The following JCAD variants were observed in gnomAD, a reference collection of about 807,000 sequenced individuals.
JCAD encodes the protein junctional cadherin 5 associated.
In JCAD, 40 loss-of-function variants were observed where a neutral mutation model predicts 98.0. The ratio of observed to expected loss-of-function variants is 0.41; its 90% confidence interval spans 0.32 to 0.53. The LOEUF is 0.53. Ranked by LOEUF, JCAD falls within the 20% of genes least tolerant of loss-of-function variation. The pLI is 0.31. For synonymous variants in JCAD, 691 were observed against 682.3 expected, an observed-to-expected ratio of 1.01 and a Z score of -0.20; for missense variants, 1,705 against 1,738.1, an observed-to-expected ratio of 0.98 and a Z score of 0.34.
intron 1 of JCAD, among the ~76,000 whole-genome samples, chr10:30,097,039 G>A (rs1838380418): frequency 6.6e-6 from 1 of 152,082 alleles, no homozygotes; most frequent in South Asian, 2.1e-4. Context: ...GTCAAATGAT[G>A]CTCAACAGCA....
intron 3 of JCAD, among the ~76,000 whole-genome samples, chr10:30,023,279 C>A (rs1451394286): frequency 6.6e-6 from 1 of 152,152 alleles, no homozygotes; most frequent in Non-Finnish European, 1.5e-5. Context: ...CTCAAGTGAT[C>A]CACCCACCTC....
In JCAD at chr10:30,059,473, G is replaced by T; in HGVS notation, c.-60+9C>A. On this transcript the variant is annotated intron_variant, in intron 1 of 3. Transcript: ENST00000375377. The surrounding 1 kb of genome is among the most constrained non-coding windows in gnomAD (Gnocchi z 5.0). ...GTGGGAGCCAGGAGGGTTAGACGCC[G>T]GGACTTACCGAGCGGCTCCCTCATG... is the stretch of plus-strand genomic sequence containing the variant. 1 of 151,748 alleles carries T rather than the reference G, an allele frequency of 6.6e-6. No homozygotes were observed. The highest frequency in any genetic ancestry group is 1.9e-4 in the South Asian group (1 of 5,212). The allele number at this position is 151,748 out of a possible 1,614,324, so 9.4% of individuals were successfully genotyped here.
At chr10:30,098,564 T>G (rs1838415215) in intron 1 of JCAD, among the ~76,000 whole-genome samples, 2 of 152,202 alleles carry the variant, frequency 1.3e-5, no homozygotes, top group Admixed American at 1.3e-4. Flanking sequence ...CCTGATTCAT[T>G]TGCTTTTGTG....
At chr10:30,033,542 A>T (rs1247683843) in intron 2 of JCAD, among the ~76,000 whole-genome samples, 1 of 152,204 alleles carries the variant, frequency 6.6e-6, no homozygotes, top group Non-Finnish European at 1.5e-5. Flanking sequence ...TAGTTATTAC[A>T]ACTATTTTTC....
At chr10:30,021,473 T>G (rs1162450326) in intron 3 of JCAD, among the ~76,000 whole-genome samples, 1 of 152,198 alleles carries the variant, frequency 6.6e-6, no homozygotes, top group South Asian at 2.1e-4. Context: ...ATTACAATCA[T>G]GAGCCGCCAT....
At chr10:30,062,077 A>G (rs985144209), upstream of JCAD, among the ~76,000 whole-genome samples, 1 of 152,222 alleles carries the variant, frequency 6.6e-6, no homozygotes, top group African/African-American at 2.4e-5. Flanking sequence ...GCAAAACAAC[A>G]GAGTAGGGTT....
chr10:30,068,799 C>T (rs1273188916), intron 2 of JCAD, among the ~76,000 whole-genome samples: 1 of 152,222 alleles, frequency 6.6e-6, no homozygotes, highest in African/African-American at 2.4e-5. Context: ...GGCTAGGTCC[C>T]AGACAACTAG....
At position 30,047,623 on chromosome 10, in the gene JCAD, C is replaced by T. The variant is rs1351153544; in HGVS notation, c.190G>A (p.Gly64Arg). Reference sequence around the variant, plus strand: ...CGGCTTTCGGAGTCACTCACATGTCCTTTCCCCGCGGACGTCTTACGATGT... The same window carrying T: ...CGGCTTTCGGAGTCACTCACATGTCTTTTCCCCGCGGACGTCTTACGATGT... Reference protein sequence around the residue: ...LAHRKTSAGKGHVSDSESRRS... With the variant: ...LAHRKTSAGKRHVSDSESRRS... The change falls in exon 2 of 4, where the codon GGA becomes AGA. Residue 64 changes from glycine to arginine, a missense_variant. Transcript: ENST00000375377. 18 of 1,614,090 alleles carry T rather than the reference C, an allele frequency of 1.1e-5. No homozygotes were observed. The highest frequency in any genetic ancestry group is 1.5e-5 in the Non-Finnish European group (18 of 1,180,042).
rs1051139488 is a variant in JCAD at position 30,027,462 on chromosome 10, T to A, written c.2686A>T (p.Met896Leu). 5 of 1,605,228 alleles carry A rather than the reference T, an allele frequency of 3.1e-6. No homozygotes were observed. The highest frequency in any genetic ancestry group is 4.2e-6 in the Non-Finnish European group (5 of 1,179,990). Residue 896 changes from methionine (M) to leucine (L), a missense_variant, in exon 3 of 4, where the codon ATG (methionine) becomes TTG (leucine). This residue lies in a region of JCAD where 1,278 missense variants were observed against 1,243.1 expected (regional missense o/e 1.03). Coordinates refer to ENST00000375377, the MANE Select transcript of JCAD (RefSeq NM_020848.4). ...PEMRVEPQPR[M>L]WVPESPVCRS... Reference sequence around the variant, plus strand: ...CACACAGGGCTCTCCGGCACCCACATCCTCGGCTGTGGCTCAACCCTCATT... The same window carrying A: ...CACACAGGGCTCTCCGGCACCCACAACCTCGGCTGTGGCTCAACCCTCATT...
intron 1 of JCAD, among the ~76,000 whole-genome samples, chr10:30,071,630 T>G (rs1040511689): frequency 2.6e-5 from 4 of 151,834 alleles, no homozygotes; most frequent in Non-Finnish European, 5.9e-5. Flanking sequence ...CATGGTGAAA[T>G]CCTGTCTCTA....
At chr10:30,018,666 G>T (rs1279978377) in intron 3 of JCAD, among the ~76,000 whole-genome samples, 3 of 152,118 alleles carry the variant, frequency 2.0e-5, no homozygotes, top group Middle Eastern at 6.3e-3. Context: ...CTGCTGCTGG[G>T]TGCTGCCAAG....
At chr10:30,080,201 G>A (rs1400500911) in intron 1 of JCAD, among the ~76,000 whole-genome samples, 1 of 152,156 alleles carries the variant, frequency 6.6e-6, no homozygotes, top group Non-Finnish European at 1.5e-5. Context: ...GAACTACCAA[G>A]TTTCAAAGCA....
intron 3 of JCAD, among the ~76,000 whole-genome samples, chr10:30,024,688 A>ATTTT (rs35394945): frequency 2.9e-4 from 29 of 100,690 alleles, no homozygotes; most frequent in Non-Finnish European, 4.1e-4. Context: ...GCCCATGTAC[A>ATTTT]TTTTTTTTTT....
intron 3 of JCAD, 153 bp downstream of exon 3, chr10:30,025,950 C>G: frequency 1.1e-6 from 1 of 881,330 alleles, no homozygotes; most frequent in East Asian, 2.5e-5. Flanking sequence ...GATAATTCTT[C>G]GAAAATGAGG....
In JCAD at chr10:30,013,302, CCT is replaced by C. The variant is rs927110436; in HGVS notation, c.*4579_*4580del. 5 of 143,858 alleles carry C rather than the reference CCT, an allele frequency of 3.5e-5. No homozygotes were observed. The highest frequency in any genetic ancestry group is 2.8e-4 in the Admixed American group (4 of 14,256). 8.9% of individuals were successfully genotyped at this position (143,858 alleles called of 1,614,324 possible). The stretch of plus-strand genomic sequence containing the variant: ...TCCAGGCTGGGCAACAGAGCAAGAC[CCT>C]GTTTCAAGGGGGGGAAAAAAAGTTT... On this transcript the variant is annotated 3_prime_UTR_variant, in exon 4 of 4. Transcript: ENST00000375377.
At position 30,017,904 on chromosome 10, in the gene JCAD, A is replaced by G. The variant is rs1453319500; in HGVS notation, c.4059T>C (p.Pro1353=). 6.2e-7 allele frequency: 1 copy of G among 1,611,774 alleles called. No homozygotes were observed. Among genetic ancestry groups the G allele is most frequent in the Admixed American group, 1.7e-5 (1 of 59,674 alleles). ...TTCATCACACCCTCTCCACTCTGCT[A>G]GGGTCATAGGAATCTGTAAAATAAG... is the stretch of plus-strand genomic sequence containing the variant. ...QDFWCPDSYD[P]SRVERV Residue 1353 remains proline (P), a synonymous_variant, in exon 4 of 4, where the codon CCT becomes CCC. Coordinates refer to ENST00000375377, the MANE Select transcript of JCAD (RefSeq NM_020848.4).
At chr10:30,022,560 T>C (rs1159514366) in intron 3 of JCAD, among the ~76,000 whole-genome samples, 1 of 152,206 alleles carries the variant, frequency 6.6e-6, no homozygotes, top group African/African-American at 2.4e-5. Flanking sequence ...ACCTCCATCA[T>C]ATGACCTCAG....
At position 30,015,247 on chromosome 10, in the gene JCAD, G is replaced by C. The variant is rs923081908; in HGVS notation, c.*2636C>G. The C allele has an allele frequency of 5.9e-5, 9 of 152,236 alleles. No homozygotes were observed. The highest frequency in any genetic ancestry group is 5.9e-4 in the Admixed American group (9 of 15,288). The allele number at this position is 152,236 out of a possible 1,614,324, so 9.4% of individuals were successfully genotyped here. ...AACACCAACAGTAAATTGTGTGCAT[G>C]AGAAGAACAAAGACAAATACAAAAT... is the stretch of plus-strand genomic sequence containing the variant. On this transcript the variant is annotated 3_prime_UTR_variant, in exon 4 of 4. Transcript: ENST00000375377.
intron 2 of JCAD, among the ~76,000 whole-genome samples, chr10:30,038,665 CAGAG>C (rs1225938290): frequency 8.6e-6 from 1 of 115,708 alleles, no homozygotes; most frequent in Non-Finnish European, 1.7e-5. Context: ...GCCTGGGTGA[CAGAG>C]AGAGACCCTG....
Sources: allele counts gnomAD v4.1 joint callset (sites outside exome capture counted in the v4.1 genomes callset), GRCh38; gene constraint gnomAD v4.1.1; regional missense constraint gnomAD v4.1.1; non-coding constraint Gnocchi (gnomAD v3.1); transcripts MANE v1.5; gene names NCBI Gene and HGNC (gene_info 2026-07-23, HGNC 2026-07-21).